The following SYNJ1 variants were observed in gnomAD, a reference collection of about 807,000 sequenced individuals.
The protein encoded by SYNJ1 is synaptojanin 1.
Under a neutral mutation model 168.2 loss-of-function variants are expected in SYNJ1, and 78 were observed. The ratio of observed to expected loss-of-function variants is 0.46; its 90% CI spans 0.39 to 0.56. SYNJ1 has a LOEUF of 0.56. Ranked by LOEUF, SYNJ1 falls within the 20% of genes least tolerant of loss-of-function variation. SYNJ1 has a pLI of 0.00. For missense variants in SYNJ1, 1,303 were observed against 1,597.6 expected (o/e 0.82, Z 3.14); for synonymous variants, 539 against 548.6 (o/e 0.98, Z 0.24).
At chr21:32,694,083 G>T in intron 6 of SYNJ1, 145 bp downstream of exon 6, 1 of 518,932 alleles carries the variant, frequency 1.9e-6, no homozygotes, top group Non-Finnish European at 3.3e-6. Flanking sequence ...CTCTGTACTC[G>T]TCTAGACCCT....
intron 5 of SYNJ1, among the ~76,000 whole-genome samples, chr21:32,694,657 A>G (rs2042140143): frequency 6.6e-6 from 1 of 152,214 alleles, no homozygotes; most frequent in South Asian, 2.1e-4. Context: ...GCCTGAATTT[A>G]TAATCATATA....
chr21:32,657,641 T>A (rs969419857), intron 19 of SYNJ1, 75 bp downstream of exon 19: 2 of 1,366,166 alleles, frequency 1.5e-6, no homozygotes, highest in African/African-American at 2.9e-5. Context: ...ATTCTCCTCA[T>A]TTGATATTAT....
chr21:32,695,803 C>T (rs534715408), intron 4 of SYNJ1, among the ~76,000 whole-genome samples: 1 of 151,130 alleles, frequency 6.6e-6, no homozygotes, highest in South Asian at 2.1e-4. Context: ...GCTGGGATTA[C>T]AGGCATGCAC....
Position 32,641,985 on chromosome 21 carries a change from A to T in SYNJ1, c.3518-19T>A. The T allele has an allele frequency of 6.2e-7, 1 of 1,613,594 alleles. No homozygotes were observed. The highest frequency in any genetic ancestry group is 8.5e-7 in the Non-Finnish European group (1 of 1,179,870). The stretch of plus-strand genomic sequence containing the variant: ...CTGCGTCCTGGAACAAAGACATCAT[A>T]TCATATATTTAAGTTTAAAAAAATA... On this transcript the variant is annotated intron_variant, in intron 28 of 32. Transcript: ENST00000674351.
At chr21:32,670,421 T>C in intron 14 of SYNJ1, 49 bp from the exon 15 acceptor site, 2 of 1,414,582 alleles carry the variant, frequency 1.4e-6, no homozygotes, top group Non-Finnish European at 2.0e-6. Flanking sequence ...CTCAGGCAAA[T>C]AGCAACCCCA....
In SYNJ1 at chr21:32,643,467, GA is replaced by G. The variant is rs1478214077; in HGVS notation, c.3431-11del. 2.4e-5 allele frequency: 38 copies of G among 1,613,234 alleles called. No individual in the cohort carries two copies. Among genetic ancestry groups the G allele is most frequent in the Non-Finnish European group, 3.1e-5 (36 of 1,179,406 alleles). ...GGAGGGGCTCCAATACCTTTTTAGA[GA>G]AAGAACAGAAACTATATATTGTTCA... is the stretch of plus-strand genomic sequence containing the variant. On this transcript the variant is annotated splice_polypyrimidine_tract_variant and intron_variant, in intron 26 of 32. Coordinates refer to ENST00000674351, the MANE Select transcript of SYNJ1 (RefSeq NM_203446.3).
chr21:32,689,648 T>C (rs905134897), intron 6 of SYNJ1, among the ~76,000 whole-genome samples: 1 of 152,226 alleles, frequency 6.6e-6, no homozygotes, highest in Non-Finnish European at 1.5e-5. Context: ...AGTCATGTAA[T>C]TGGACAAGTA....
Position 32,657,128 on chromosome 21 carries a change from C to T in SYNJ1, c.2462-8G>A. 1.3e-6 allele frequency: 2 copies of T among 1,563,802 alleles called. No individual in the cohort carries two copies. The highest frequency in any genetic ancestry group is 1.8e-6 in the Non-Finnish European group (2 of 1,134,402). The stretch of plus-strand genomic sequence containing the variant: ...GAAGATCTAGATCTTCAGCTGCAGT[C>T]AGAAGAAATGAAAACACAAGAGAAG... On this transcript the variant is annotated splice_region_variant and splice_polypyrimidine_tract_variant and intron_variant, in intron 19 of 32. Transcript: ENST00000674351.
At chr21:32,713,359 T>C (rs1023107492) in intron 2 of SYNJ1, among the ~76,000 whole-genome samples, 1 of 143,382 alleles carries the variant, frequency 7.0e-6, no homozygotes, top group African/African-American at 2.6e-5. Flanking sequence ...TCAACATGGA[T>C]GATTTCCCAT....
chr21:32,632,388 C>CTTTTTTTT (rs535534076), intron 32 of SYNJ1, among the ~76,000 whole-genome samples: 1 of 143,160 alleles, frequency 7.0e-6, no homozygotes, highest in African/African-American at 2.5e-5. Context: ...CCCACCCCCT[C>CTTTTTTTT]TTTTTTTTTT....
chr21:32,714,523 G>A (rs1356888951), intron 2 of SYNJ1, among the ~76,000 whole-genome samples: 1 of 152,178 alleles, frequency 6.6e-6, no homozygotes, highest in Non-Finnish European at 1.5e-5. Context: ...AAATTAAGAG[G>A]AGGAATTGAC....
At chr21:32,660,200 A>G (rs1363692021) in intron 18 of SYNJ1, among the ~76,000 whole-genome samples, 1 of 152,226 alleles carries the variant, frequency 6.6e-6, no homozygotes, top group Non-Finnish European at 1.5e-5. Context: ...GGGGTTTCCA[A>G]AGGCTGGCCC....
chr21:32,705,904 T>G (rs1380145701), intron 2 of SYNJ1, among the ~76,000 whole-genome samples: 1 of 152,104 alleles, frequency 6.6e-6, no homozygotes, highest in Non-Finnish European at 1.5e-5. Context: ...GGAAGGTTGA[T>G]TGAGCCTGGG....
chr21:32,712,499 A>C (rs953031669), intron 2 of SYNJ1, among the ~76,000 whole-genome samples: 1 of 152,220 alleles, frequency 6.6e-6, no homozygotes, highest in African/African-American at 2.4e-5. Context: ...TAAACTATCT[A>C]AATTAATGTC....
intron 2 of SYNJ1, among the ~76,000 whole-genome samples, chr21:32,709,748 G>C (rs8134343): frequency 1 from 151,871 of 151,872 alleles, 75,935 homozygotes; most frequent in Non-Finnish European, 1. Context: ...GAACTCCTGA[G>C]CTCCGGTGAT....
intron 4 of SYNJ1, 85 bp from the exon 5 acceptor site, chr21:32,695,367 T>C: frequency 8.1e-7 from 1 of 1,230,968 alleles, no homozygotes; most frequent in Non-Finnish European, 1.1e-6. Context: ...GGAAAATTAA[T>C]TTAATATTAT....
chr21:32,721,174 T>C (rs911206960), intron 2 of SYNJ1, among the ~76,000 whole-genome samples: 1 of 152,244 alleles, frequency 6.6e-6, no homozygotes, highest in African/African-American at 2.4e-5. Flanking sequence ...GCTCACCTGC[T>C]ACACTGAACC....
At chr21:32,696,011 T>C (rs1056101856) in intron 4 of SYNJ1, among the ~76,000 whole-genome samples, 3 of 152,140 alleles carry the variant, frequency 2.0e-5, no homozygotes, top group Admixed American at 2.0e-4. Context: ...CATGCTTGGC[T>C]AATTTTTTGT....
At chr21:32,671,592 C>T (rs1389409140) in intron 14 of SYNJ1, among the ~76,000 whole-genome samples, 2 of 152,204 alleles carry the variant, frequency 1.3e-5, no homozygotes, top group South Asian at 2.1e-4. Flanking sequence ...GGTTCCTTCC[C>T]TTTCAATGTC....
Sources: allele counts gnomAD v4.1 joint callset (sites outside exome capture counted in the v4.1 genomes callset), GRCh38; gene constraint gnomAD v4.1.1; transcripts MANE v1.5; gene names NCBI Gene and HGNC (gene_info 2026-07-23, HGNC 2026-07-21).